TRAF5: variants seen among roughly 807,000 people sequenced by gnomAD.
TRAF5 encodes the protein TNF receptor-associated factor 5.
In TRAF5, 48 loss-of-function variants were observed where a neutral mutation model predicts 64.5. That is an observed-to-expected ratio of 0.74 (90% CI 0.59 to 0.95). The LOEUF (loss-of-function observed/expected upper bound fraction) is 0.95, where lower values mean the gene tolerates loss of function less well. Among genes scored for constraint, TRAF5 ranks in the 40% least tolerant of loss-of-function variants. The pLI is 0.00. For missense variants in TRAF5, 545 were observed against 662.8 expected, an observed-to-expected ratio of 0.82 and a Z score of 1.95; for synonymous variants, 206 against 240.5, an observed-to-expected ratio of 0.86 and a Z score of 1.33.
chr1:211,330,442 T>C (rs1702128178), intron 1 of TRAF5, among the ~76,000 whole-genome samples: 1 of 150,084 alleles, frequency 6.7e-6, no homozygotes, highest in African/African-American at 2.5e-5. Context: ...CCACGTACAC[T>C]CCCAAGTCAG....
rs775757179 is a variant in TRAF5 at position 211,369,499 on chromosome 1, G to A, written c.837G>A (p.Gln279=). ...TAGAACAGAAAGAAAGTAAAATCCA[G>A]CAGCTAGCAGAAACTATAAAGAAAC... is the stretch of plus-strand genomic sequence containing the variant. ...KSLEQKESKI[Q]QLAETIKKLE... Residue 279 remains glutamine (Q), a synonymous_variant, in exon 9 of 11, where the codon CAG becomes CAA. Coordinates refer to ENST00000261464, the MANE Select transcript of TRAF5 (RefSeq NM_001033910.3). 13 of 1,610,808 alleles carry A rather than the reference G, an allele frequency of 8.1e-6. No individual in the cohort carries two copies. The Admixed American group carries it at 2.2e-4, about 27-fold the overall frequency.
rs1471081441 is a variant in TRAF5, at chr1:211,373,442, A to C, written c.*740A>C. The C allele has an allele frequency of 1.3e-5, 2 of 152,212 alleles. No homozygotes were observed. Among genetic ancestry groups the C allele is most frequent in the South Asian group, 2.1e-4 (1 of 4,824 alleles). 9.4% of individuals were successfully genotyped at this position (152,212 alleles called of 1,614,324 possible). A position where few individuals can be genotyped will look rare whatever the true frequency, so the allele number is the denominator to read the frequency against. On this transcript the variant is annotated 3_prime_UTR_variant, in exon 11 of 11. Transcript: ENST00000261464. Reference sequence around the variant, plus strand: ...CAACCCTATGAAAAAAACTATTTTCATAGGTCAAAAATGGTAAAAAATTAG... The same window carrying C: ...CAACCCTATGAAAAAAACTATTTTCCTAGGTCAAAAATGGTAAAAAATTAG...
At chr1:211,355,961 G>A (rs561109096) in intron 3 of TRAF5, among the ~76,000 whole-genome samples, 1 of 152,280 alleles carries the variant, frequency 6.6e-6, no homozygotes, top group East Asian at 1.9e-4. Flanking sequence ...AATGTTTGCC[G>A]ACTCCTGGTT....
At chr1:211,348,039 G>A (rs936426634) in intron 1 of TRAF5, among the ~76,000 whole-genome samples, 17 of 152,188 alleles carry the variant, frequency 1.1e-4, no homozygotes, top group African/African-American at 3.9e-4. Flanking sequence ...ACTTTCAGGG[G>A]ATCTGCATGG....
At chr1:211,346,892 A>T (rs1430282377) in intron 1 of TRAF5, among the ~76,000 whole-genome samples, 7 of 152,218 alleles carry the variant, frequency 4.6e-5, no homozygotes, top group Admixed American at 3.9e-4. Context: ...TTTATGAAAC[A>T]AGAAGATGGC....
intron 7 of TRAF5, among the ~76,000 whole-genome samples, chr1:211,364,782 G>A (rs532675647): frequency 2.2e-4 from 34 of 152,264 alleles, no homozygotes; most frequent in South Asian, 4.1e-4. Context: ...TAATAACTAC[G>A]CTTAACCCAT....
rs781274340 is a variant in TRAF5, at chr1:211,360,794, T to A, written c.621+15T>A. On this transcript the variant is annotated intron_variant, in intron 6 of 10. Transcript: ENST00000261464. ...TAAAAACTGAGGTAACTGCAAATAA[T>A]CCTCTCTGTAGATTTTATGGAAGAT... 6.2e-7 allele frequency: 1 copy of A among 1,601,730 alleles called. No homozygotes were observed. The highest frequency in any genetic ancestry group is 1.3e-5 in the African/African-American group (1 of 74,650).
At chr1:211,360,207 TG>T in intron 5 of TRAF5, 131 bp downstream of exon 5, 1 of 1,045,780 alleles carries the variant, frequency 9.6e-7, no homozygotes, top group East Asian at 2.6e-5. Flanking sequence ...CTAAAGAATT[TG>T]CTTTTTGGAG....
intron 2 of TRAF5, chr1:211,353,725 T>C (rs1210233426): frequency 2.1e-6 from 1 of 473,036 alleles, no homozygotes; most frequent in Non-Finnish European, 3.9e-6. Context: ...CACTCCATCA[T>C]GGGAGCTGGC....
At chr1:211,339,745 C>T (rs1042391653) in intron 1 of TRAF5, among the ~76,000 whole-genome samples, 4 of 152,138 alleles carry the variant, frequency 2.6e-5, no homozygotes, top group Admixed American at 6.5e-5. Flanking sequence ...TCTGGGGTAG[C>T]CCTCCGCCAG....
intron 9 of TRAF5, among the ~76,000 whole-genome samples, chr1:211,370,837 TTTAGGCCGTAC>T (rs1275554643): frequency 5.3e-5 from 8 of 152,182 alleles, no homozygotes; most frequent in Non-Finnish European, 1.5e-5. Flanking sequence ...CAGTCAAAAG[TTTAGGCCGTAC>T]TCAGGGCCTT....
chr1:211,360,892 G>T, intron 6 of TRAF5, 113 bp downstream of exon 6: 2 of 1,044,676 alleles, frequency 1.9e-6, no homozygotes, highest in Non-Finnish European at 2.9e-6. Context: ...TAAATTACAC[G>T]CATGACCATG....
Position 211,374,748 on chromosome 1 carries a change from A to G in TRAF5, c.*2046A>G, listed in dbSNP as rs1703641718. On this transcript the variant is annotated 3_prime_UTR_variant, in exon 11 of 11. Transcript: ENST00000261464. Reference sequence around the variant, plus strand: ...GATCATATTGCTGTAACTTCTTTTAAGTAGTTGATGTGGAAAACATTTTAA... The same window carrying G: ...GATCATATTGCTGTAACTTCTTTTAGGTAGTTGATGTGGAAAACATTTTAA... The G allele has an allele frequency of 1.3e-5, 2 of 152,196 alleles. No individual in the cohort carries two copies. Among genetic ancestry groups the G allele is most frequent in the Admixed American group, 1.3e-4 (2 of 15,284 alleles). The allele number at this position is 152,196 out of a possible 1,614,324, so 9.4% of individuals were successfully genotyped here.
intron 3 of TRAF5, among the ~76,000 whole-genome samples, 191 bp from the exon 4 acceptor site, chr1:211,356,176 T>C (rs1702956373): frequency 6.6e-6 from 1 of 152,206 alleles, no homozygotes; most frequent in Non-Finnish European, 1.5e-5. Flanking sequence ...TGTTTAATGG[T>C]TTGTCAAAAG....
In TRAF5 at chr1:211,359,941, T is replaced by C; in HGVS notation, c.408T>C (p.Pro136=). Residue 136 remains proline, a synonymous_variant, in exon 5 of 11, where the codon CCT becomes CCC. Transcript: ENST00000261464. ...QDHLQQCLFQ[P]VQCSNEKCRE... ...ACCTTCAGCAGTGCTTATTTCAACC[T>C]GTGCAGTGTTCTAATGAGAAGTGCC... 1 of 1,614,076 alleles carries C rather than the reference T, an allele frequency of 6.2e-7. No individual in the cohort carries two copies. The highest frequency in any genetic ancestry group is 2.2e-5 in the East Asian group (1 of 44,896).
chr1:211,340,753 A>C (rs1427560936), intron 1 of TRAF5, among the ~76,000 whole-genome samples: 1 of 152,238 alleles, frequency 6.6e-6, no homozygotes, highest in Non-Finnish European at 1.5e-5. Context: ...CATGTGCTTA[A>C]TGCAACGTGT....
At chr1:211,349,006 G>T (rs1702698913) in intron 1 of TRAF5, among the ~76,000 whole-genome samples, 1 of 140,032 alleles carries the variant, frequency 7.1e-6, no homozygotes. Flanking sequence ...TCAAGACCAG[G>T]CTGGGCAACA....
At chr1:211,365,880 T>C (rs1468020687) in intron 8 of TRAF5, among the ~76,000 whole-genome samples, 1 of 152,234 alleles carries the variant, frequency 6.6e-6, no homozygotes, top group Non-Finnish European at 1.5e-5. Flanking sequence ...TAAATTAATA[T>C]TACTGTGAAA....
intron 1 of TRAF5, among the ~76,000 whole-genome samples, chr1:211,350,670 A>G (rs1460659086): frequency 6.6e-6 from 1 of 152,230 alleles, no homozygotes; most frequent in Non-Finnish European, 1.5e-5. Flanking sequence ...CAGGTGAGAA[A>G]TGATGTGGCT....
Sources: gnomAD v4.1 joint callset for allele counts (sites outside exome capture counted in the v4.1 genomes callset) on GRCh38, gnomAD v4.1.1 for gene constraint, MANE v1.5 for transcripts, NCBI Gene and HGNC (gene_info 2026-07-23, HGNC 2026-07-21) for gene names.